The following STXBP5L variants were observed in gnomAD, a reference collection of about 807,000 sequenced individuals.
The protein encoded by STXBP5L is syntaxin-binding protein 5-like.
In STXBP5L, 65 loss-of-function variants were observed where a neutral mutation model predicts 144.5. The observed-to-expected ratio is 0.45, with a 90% CI of 0.37 to 0.55. The LOEUF (loss-of-function observed/expected upper bound fraction) is 0.55. Among genes scored for constraint, STXBP5L ranks in the 20% least tolerant of loss-of-function variants. The pLI, the probability that STXBP5L is intolerant of heterozygous loss-of-function variation, is 0.00. For missense variants in STXBP5L, 1,298 were observed against 1,405.5 expected (o/e 0.92, Z 1.22); for synonymous variants, 505 against 469.6 (o/e 1.08, Z -0.97).
intron 5 of STXBP5L, among the ~76,000 whole-genome samples, chr3:121,057,838 C>T (rs772988505): frequency 2.8e-4 from 43 of 151,800 alleles, no homozygotes; most frequent in South Asian, 8.3e-4. Flanking sequence ...TTTTATATCT[C>T]TTTTTTCTAT....
In STXBP5L at chr3:121,257,233, C is replaced by T; in HGVS notation, c.1732C>T (p.Pro578Ser). ...TPEPETSPPF[P>S]DLSAQLPSSR... is the part of the protein sequence containing the mutation. Reference sequence around the variant, plus strand: ...TGAACCAGAAACAAGTCCTCCGTTTCCAGATCTCTCAGCCCAGCTTCCTTC... The same window carrying T: ...TGAACCAGAAACAAGTCCTCCGTTTTCAGATCTCTCAGCCCAGCTTCCTTC... The change falls in exon 17 of 27, where the codon CCA (proline) becomes TCA (serine). Residue 578 changes from proline to serine, a missense_variant. Pro to Ser is a moderately conservative substitution (Grantham distance 74). Coordinates refer to ENST00000471454, the MANE Select transcript of STXBP5L (RefSeq NM_001308330.2). 6.2e-7 allele frequency: 1 copy of T among 1,613,816 alleles called. No individual in the cohort carries two copies. Among genetic ancestry groups the T allele is most frequent in the Non-Finnish European group, 8.5e-7 (1 of 1,179,832 alleles).
In STXBP5L at chr3:121,003,844, T is replaced by G. The variant is rs181806928; in HGVS notation, c.288-37856T>G. ...CCATTTCTTGTTTTTGTCAGGTTTGTCAAAGATCAGATGGTTGAAGATATA... is the reference window on the plus strand; with the variant it reads ...CCATTTCTTGTTTTTGTCAGGTTTGGCAAAGATCAGATGGTTGAAGATATA... On this transcript the variant is annotated intron_variant, in intron 3 of 26. Transcript: ENST00000471454. 3.9e-5 allele frequency among the ~76,000 whole-genome samples: 6 copies of G among 152,330 alleles called. No individual in the cohort carries two copies. The East Asian group carries it at 7.7e-4, about 20-fold the overall frequency.
intron 5 of STXBP5L, among the ~76,000 whole-genome samples, chr3:121,095,221 T>G (rs1047941088): frequency 6.6e-6 from 1 of 152,176 alleles, no homozygotes; most frequent in Non-Finnish European, 1.5e-5. Flanking sequence ...CCTTAACATT[T>G]TTTCCTTCAT....
chr3:120,993,544 A>T (rs567967174), intron 3 of STXBP5L, among the ~76,000 whole-genome samples: 3 of 152,176 alleles, frequency 2.0e-5, no homozygotes, highest in Non-Finnish European at 4.4e-5. Flanking sequence ...CAGTTTTCCC[A>T]ACCCTGTTTA....
intron 5 of STXBP5L, among the ~76,000 whole-genome samples, chr3:121,110,357 T>C (rs2043921941): frequency 6.6e-6 from 1 of 152,152 alleles, no homozygotes; most frequent in Non-Finnish European, 1.5e-5. Context: ...GTTTTTTGTT[T>C]GTTTGTTTGC....
intron 10 of STXBP5L, among the ~76,000 whole-genome samples, chr3:121,212,819 C>T (rs1454889326): frequency 6.6e-6 from 1 of 152,166 alleles, no homozygotes; most frequent in Admixed American, 6.5e-5. Context: ...TGGCCATTTT[C>T]GTGATATTGA....
chr3:121,221,339 A>C (rs562122168), intron 10 of STXBP5L, among the ~76,000 whole-genome samples: 6 of 152,012 alleles, frequency 3.9e-5, no homozygotes, highest in East Asian at 1.9e-4. Flanking sequence ...ATATACAAAA[A>C]AGCAGGGGGG....
At chr3:121,401,821 C>T (rs1239695169) in intron 22 of STXBP5L, among the ~76,000 whole-genome samples, 1 of 136,046 alleles carries the variant, frequency 7.4e-6, no homozygotes, top group East Asian at 2.2e-4. Context: ...GTGCAGCGCA[C>T]CAGCATGGCA....
chr3:121,021,314 T>G (rs1256925051), intron 3 of STXBP5L, among the ~76,000 whole-genome samples: 2 of 152,100 alleles, frequency 1.3e-5, no homozygotes, highest in Admixed American at 1.3e-4. Context: ...AGAACAATAA[T>G]AGTGTGGGAC....
chr3:121,361,901 T>C (rs1471639285), intron 20 of STXBP5L, among the ~76,000 whole-genome samples: 1 of 152,168 alleles, frequency 6.6e-6, no homozygotes, highest in Admixed American at 6.5e-5. Flanking sequence ...TTTATCTTAG[T>C]CTTCATGGTT....
intron 2 of STXBP5L, among the ~76,000 whole-genome samples, chr3:120,942,746 G>A (rs1391909796): frequency 1.3e-5 from 2 of 150,714 alleles, no homozygotes; most frequent in African/African-American, 4.9e-5. Flanking sequence ...TCAATTTATT[G>A]TCTTGCTGAA....
At chr3:121,113,517 G>A (rs1381420632) in intron 5 of STXBP5L, among the ~76,000 whole-genome samples, 1 of 152,018 alleles carries the variant, frequency 6.6e-6, no homozygotes, top group Non-Finnish European at 1.5e-5. Flanking sequence ...TTATGTAATA[G>A]CAGAGCTTTT....
intron 3 of STXBP5L, among the ~76,000 whole-genome samples, chr3:120,985,023 G>T (rs758242335): frequency 2.6e-4 from 39 of 152,076 alleles, no homozygotes; most frequent in Non-Finnish European, 4.7e-4. Context: ...CTTGGTCATG[G>T]TGTATAATTC....
chr3:121,301,070 C>T (rs556047077), intron 19 of STXBP5L, among the ~76,000 whole-genome samples: 179 of 152,158 alleles, frequency 1.2e-3, no homozygotes, highest in African/African-American at 4.2e-3. Context: ...GTAGTTTTTT[C>T]CAATTCTGTG....
intron 20 of STXBP5L, among the ~76,000 whole-genome samples, chr3:121,351,346 G>A (rs577377026): frequency 2.0e-5 from 3 of 152,234 alleles, no homozygotes; most frequent in Admixed American, 6.5e-5. Flanking sequence ...GTACCCGGCC[G>A]TGTCAGGTGT....
chr3:121,367,093 C>A (rs1371045211), intron 20 of STXBP5L, among the ~76,000 whole-genome samples: 3 of 152,102 alleles, frequency 2.0e-5, no homozygotes, highest in African/African-American at 7.2e-5. Context: ...ACCATATGTA[C>A]CCCACAACAT....
At chr3:121,014,716 C>T (rs569476940) in intron 3 of STXBP5L, among the ~76,000 whole-genome samples, 12 of 152,046 alleles carry the variant, frequency 7.9e-5, no homozygotes, top group South Asian at 6.2e-4. Context: ...GTCACTGTTT[C>T]AGTAGATTCA....
At chr3:121,397,844 A>T (rs2046770151) in intron 22 of STXBP5L, among the ~76,000 whole-genome samples, 1 of 152,228 alleles carries the variant, frequency 6.6e-6, no homozygotes, top group African/African-American at 2.4e-5. Context: ...GATATACATC[A>T]GGGGCTTTAC....
intron 11 of STXBP5L, 66 bp from the exon 12 acceptor site, chr3:121,233,549 AT>A: frequency 1.7e-6 from 2 of 1,181,608 alleles, no homozygotes; most frequent in South Asian, 3.1e-5. Context: ...GATAAAGGAA[AT>A]GCAATTTTGC....
Sources: allele counts gnomAD v4.1 joint callset (sites outside exome capture counted in the v4.1 genomes callset), GRCh38; gene constraint gnomAD v4.1.1; transcripts MANE v1.5; gene names NCBI Gene and HGNC (gene_info 2026-07-23, HGNC 2026-07-21).